Variants in ZNF804B observed in about 807,000 individuals in gnomAD.
ZNF804B encodes the protein zinc finger protein 804B.
In ZNF804B, 80 loss-of-function variants were observed where a neutral mutation model predicts 101.4. The observed-to-expected ratio is 0.79, with a 90% CI of 0.66 to 0.95. The LOEUF (loss-of-function observed/expected upper bound fraction) is 0.95, where lower values mean the gene tolerates loss of function less well. ZNF804B is among the 40% of genes least tolerant of loss of function. The probability of loss-of-function intolerance (pLI) is 0.00; values close to 1 mark genes in which losing one functional copy is unlikely to be tolerated. For missense variants in ZNF804B, 1,673 were observed against 1,561.9 expected, an observed-to-expected ratio of 1.07 and a Z score of -1.20; for synonymous variants, 622 against 558.8, an observed-to-expected ratio of 1.11 and a Z score of -1.59.
At chr7:88,806,850 A>T (rs546631023) in intron 1 of ZNF804B, among the ~76,000 whole-genome samples, 1 of 152,114 alleles carries the variant, frequency 6.6e-6, no homozygotes, top group Non-Finnish European at 1.5e-5. Flanking sequence ...TCAGTGACTC[A>T]TTGTTGTTAG....
chr7:89,162,137 G>GA (rs397811313), intron 1 of ZNF804B, among the ~76,000 whole-genome samples: 2 of 151,978 alleles, frequency 1.3e-5, no homozygotes, highest in African/African-American at 4.8e-5. Flanking sequence ...GGGGCGGGGG[G>GA]AAGTCTTATT....
intron 2 of ZNF804B, among the ~76,000 whole-genome samples, chr7:89,222,184 A>G (rs978261848): frequency 6.6e-6 from 1 of 151,962 alleles, no homozygotes; most frequent in African/African-American, 2.4e-5. Context: ...GAAGAAGCAA[A>G]TGATTCACTA....
intron 1 of ZNF804B, among the ~76,000 whole-genome samples, chr7:89,085,002 T>G (rs554069929): frequency 4.6e-5 from 7 of 152,006 alleles, no homozygotes; most frequent in African/African-American, 1.7e-4. Flanking sequence ...CTTTGAAAAA[T>G]TGCCCTGTAG....
chr7:88,841,479 A>G (rs1024908726), intron 1 of ZNF804B, among the ~76,000 whole-genome samples: 1 of 152,176 alleles, frequency 6.6e-6, no homozygotes, highest in African/African-American at 2.4e-5. Flanking sequence ...TTACTCATCA[A>G]TGCTGGGAAG....
chr7:89,115,017 GGAA>G (rs1317907316), intron 1 of ZNF804B, among the ~76,000 whole-genome samples: 2 of 151,960 alleles, frequency 1.3e-5, no homozygotes, highest in Non-Finnish European at 2.9e-5. Context: ...TTCCTCTAAT[GGAA>G]GAAACTTAAC....
At chr7:89,196,234 CTT>C (rs2115632657) in intron 1 of ZNF804B, among the ~76,000 whole-genome samples, 1 of 152,066 alleles carries the variant, frequency 6.6e-6, no homozygotes, top group South Asian at 2.1e-4. Context: ...AGAATAGAAA[CTT>C]TGGAAATAAG....
At chr7:88,825,362 T>G in intron 1 of ZNF804B, among the ~76,000 whole-genome samples, 1 of 151,674 alleles carries the variant, frequency 6.6e-6, no homozygotes, top group East Asian at 1.9e-4. Context: ...TGACTTTAAT[T>G]TACAGAGTCC....
At chr7:89,204,941 A>C (rs1316231183) in intron 1 of ZNF804B, among the ~76,000 whole-genome samples, 2 of 152,178 alleles carry the variant, frequency 1.3e-5, no homozygotes, top group African/African-American at 4.8e-5. Context: ...TAACAAAGAC[A>C]TACCCAAGAC....
intron 1 of ZNF804B, among the ~76,000 whole-genome samples, chr7:89,108,529 C>T (rs1257323235): frequency 2.6e-5 from 4 of 152,138 alleles, no homozygotes; most frequent in East Asian, 1.9e-4. Context: ...AATGATTTCA[C>T]TCTCTTTGAA....
intron 1 of ZNF804B, among the ~76,000 whole-genome samples, chr7:88,819,684 A>C (rs1758369719): frequency 6.6e-6 from 1 of 152,204 alleles, no homozygotes; most frequent in African/African-American, 2.4e-5. Flanking sequence ...AACTATTAAA[A>C]AATTTCCCCT....
intron 1 of ZNF804B, among the ~76,000 whole-genome samples, chr7:88,958,217 T>C (rs1298995642): frequency 6.6e-6 from 1 of 151,466 alleles, no homozygotes; most frequent in East Asian, 2.0e-4. Context: ...GTAATTTCTT[T>C]GTATGTTTTT....
intron 1 of ZNF804B, among the ~76,000 whole-genome samples, chr7:89,058,899 G>T (rs1403819103): frequency 6.6e-6 from 1 of 152,036 alleles, no homozygotes; most frequent in African/African-American, 2.4e-5. Flanking sequence ...TCGCCATGTT[G>T]CCCAGGCTGG....
At chr7:88,948,044 A>C (rs927235430) in intron 1 of ZNF804B, among the ~76,000 whole-genome samples, 3 of 151,924 alleles carry the variant, frequency 2.0e-5, no homozygotes, top group African/African-American at 7.2e-5. Context: ...CAAAATATCT[A>C]ATTAAGTGTC....
At chr7:89,137,345 C>T (rs1790652926) in intron 1 of ZNF804B, among the ~76,000 whole-genome samples, 1 of 152,036 alleles carries the variant, frequency 6.6e-6, no homozygotes. Context: ...AAATTTGGAA[C>T]TTCCTAGAGA....
At chr7:89,164,465 G>A (rs953625550) in intron 1 of ZNF804B, among the ~76,000 whole-genome samples, 5 of 152,054 alleles carry the variant, frequency 3.3e-5, no homozygotes, top group African/African-American at 4.8e-5. Context: ...ATTCTGTGTC[G>A]GTTGCCATAG....
At chr7:89,111,406 T>C (rs1018199125) in intron 1 of ZNF804B, among the ~76,000 whole-genome samples, 3 of 151,678 alleles carry the variant, frequency 2.0e-5, no homozygotes, top group African/African-American at 7.3e-5. Flanking sequence ...GTGTCAGTGT[T>C]CTGGATTCTA....
At chr7:89,247,238 G>A (rs1789463165) in intron 2 of ZNF804B, among the ~76,000 whole-genome samples, 1 of 152,208 alleles carries the variant, frequency 6.6e-6, no homozygotes, top group Non-Finnish European at 1.5e-5. Context: ...AACTGGACCT[G>A]CCTGGTCTAG....
intron 2 of ZNF804B, among the ~76,000 whole-genome samples, chr7:89,288,574 A>G (rs1016381896): frequency 6.6e-6 from 1 of 152,236 alleles, no homozygotes; most frequent in African/African-American, 2.4e-5. Flanking sequence ...AGCAGTAAAC[A>G]TAAAATAATG....
Position 88,936,112 on chromosome 7 carries a change from T to TAA in ZNF804B, c.108+176035_108+176036dup, listed in dbSNP as rs201891277. ...CTTCATCTTTCTTCCTTTTTTTTTT[T>TAA]AAAAAAAATAACATATGCCTGTGGT... On this transcript the variant is annotated intron_variant, in intron 1 of 3. Transcript: ENST00000333190. 8.0e-3 allele frequency among the ~76,000 whole-genome samples: 1,131 copies of TAA among 141,654 alleles called. 6 individuals carry two copies. Among genetic ancestry groups the TAA allele is most frequent in the African/African-American group, 0.01 (392 of 38,782 alleles). 92.9% of individuals were successfully genotyped at this position (141,654 alleles called of 152,430 possible). A position where few individuals can be genotyped will look rare whatever the true frequency, so the allele number is the denominator to read the frequency against.
Sources: gnomAD v4.1 joint callset for allele counts (sites outside exome capture counted in the v4.1 genomes callset) on GRCh38, gnomAD v4.1.1 for gene constraint, MANE v1.5 for transcripts, NCBI Gene and HGNC (gene_info 2026-07-23, HGNC 2026-07-21) for gene names.